The following MKI67 variants were observed in gnomAD, a reference collection of about 807,000 sequenced individuals.
MKI67 encodes the protein marker of proliferation Ki-67.
A neutral mutation model predicts 233.5 loss-of-function variants in MKI67; 152 were observed. The observed-to-expected ratio is 0.65, with a 90% confidence interval of 0.57 to 0.74. The LOEUF is 0.74. MKI67 is among the 30% of genes least tolerant of loss of function. MKI67 has a pLI of 0.00. For missense variants in MKI67, 3,940 were observed against 3,885.2 expected, an observed-to-expected ratio of 1.01 and a Z score of -0.37; for synonymous variants, 1,465 against 1,418.5, an observed-to-expected ratio of 1.03 and a Z score of -0.74.
At chr10:128,121,597 A>G (rs1852949325) in intron 4 of MKI67, among the ~76,000 whole-genome samples, 1 of 47,170 alleles carries the variant, frequency 2.1e-5, no homozygotes, top group Admixed American at 3.0e-4. Context: ...TAAGTGATAT[A>G]TATAATAATT....
Position 128,102,539 on chromosome 10 carries a change from C to T in MKI67, c.9261+40G>A, listed in dbSNP as rs776790624. On this transcript the variant is annotated intron_variant, in intron 13 of 14. Coordinates refer to ENST00000368654, the MANE Select transcript of MKI67 (RefSeq NM_002417.5). ...GTATAACACAGAAATTCACAACTAT[C>T]CAAGACGATATTGAGTGATGCTGTA... The T allele has an allele frequency of 5.7e-6, 9 of 1,591,834 alleles. No homozygotes were observed. In the South Asian group the frequency reaches 1.0e-4, roughly 18 times the overall value.
In MKI67 at chr10:128,119,193, T is replaced by C. The variant is rs1565014581; in HGVS notation, c.354+60A>G. 15 of 1,186,034 alleles carry C rather than the reference T, an allele frequency of 1.3e-5. No homozygotes were observed. The East Asian group carries it at 3.3e-4, about 26-fold the overall frequency. The allele number at this position is 1,186,034 out of a possible 1,614,324, so 73.5% of individuals were successfully genotyped here. On this transcript the variant is annotated intron_variant, in intron 5 of 14. Coordinates refer to ENST00000368654, the MANE Select transcript of MKI67 (RefSeq NM_002417.5). ...TTTCAAGTAAGAAATCATTAAAGCA[T>C]ACATAAATGATTTCATATCATCGAA...
intron 4 of MKI67, 64 bp downstream of exon 4, chr10:128,122,817 T>C: frequency 1.3e-6 from 1 of 768,042 alleles, no homozygotes; most frequent in African/African-American, 1.7e-5. Context: ...CAGTTGACTT[T>C]GACACTAGTT....
rs760411491 is a variant in MKI67, at chr10:128,106,271, T to A, written c.5569A>T (p.Ile1857Leu). ...TCTGATTGCGGAGATTTGCAGAGTA[T>A]TTTTTTGGTAGTTTTCTCATCAGTC... Reference protein sequence around the residue: ...PTTDEKTTKKILCKSPQSDPA... With the variant: ...PTTDEKTTKKLLCKSPQSDPA... The change falls in exon 13 of 15, where the codon ATA (isoleucine) becomes TTA (leucine). Residue 1857 changes from isoleucine to leucine, a missense_variant. Transcript: ENST00000368654. 6.2e-7 allele frequency: 1 copy of A among 1,613,502 alleles called. No individual in the cohort carries two copies. The highest frequency in any genetic ancestry group is 2.2e-5 in the East Asian group (1 of 44,808).
rs199875520 is a variant in MKI67 at position 128,106,087 on chromosome 10, T to C, written c.5753A>G (p.Asn1918Ser). 6.2e-7 allele frequency: 1 copy of C among 1,613,926 alleles called. No homozygotes were observed. The highest frequency in any genetic ancestry group is 1.7e-5 in the Admixed American group (1 of 59,996). Reference sequence around the variant, plus strand: ...CTCCACTGGAGTCCCCACAAATGTGTTGATGTCTTTCTCTTCACCTACTGC... The same window carrying C: ...CTCCACTGGAGTCCCCACAAATGTGCTGATGTCTTTCTCTTCACCTACTGC... ...KAAVGEEKDI[N>S]TFVGTPVEKL... Residue 1918 changes from asparagine to serine, a missense_variant, in exon 13 of 15, where the codon AAC becomes AGC. Coordinates refer to ENST00000368654, the MANE Select transcript of MKI67 (RefSeq NM_002417.5).
chr10:128,111,741 C>T lies in MKI67; in HGVS notation c.2164G>A (p.Ala722Thr), dbSNP rs1176714113. The T allele has an allele frequency of 1.2e-6, 2 of 1,614,042 alleles. No individual in the cohort carries two copies. The highest frequency in any genetic ancestry group is 1.7e-5 in the Admixed American group (1 of 60,010). The change falls in exon 11 of 15, where the codon GCT becomes ACT. Residue 722 changes from alanine to threonine, a missense_variant. By Grantham distance (58) the Ala-to-Thr change is moderately conservative (BLOSUM62 0). Coordinates refer to ENST00000368654, the MANE Select transcript of MKI67 (RefSeq NM_002417.5). ...NSPCTIIIGK[A>T]HTEKVHVPAR... Reference sequence around the variant, plus strand: ...GGCACATGTACTTTTTCAGTATGAGCTTTCCCTATTATTATGGTACAAGGA... The same window carrying T: ...GGCACATGTACTTTTTCAGTATGAGTTTTCCCTATTATTATGGTACAAGGA...
rs779970248 is a variant in MKI67 at position 128,105,381 on chromosome 10, C to A, written c.6459G>T (p.Glu2153Asp). 67 of 1,613,974 alleles carry A rather than the reference C, an allele frequency of 4.2e-5. No homozygotes were observed. Among genetic ancestry groups the A allele is most frequent in the Non-Finnish European group, 5.6e-5 (66 of 1,180,016 alleles). ...CCCTGAACACGTTGATGCCTTTATC[C>A]TCATCTCCTGGTACTTTGTCTGTGT... ...TTHTDKVPGD[E>D]DKGINVFRET... is the part of the protein sequence containing the mutation. The change falls in exon 13 of 15, where the codon GAG becomes GAT. Residue 2153 changes from glutamate to aspartate, a missense_variant. Physicochemically the swap from Glu to Asp is conservative, Grantham distance 45. Coordinates refer to ENST00000368654, the MANE Select transcript of MKI67 (RefSeq NM_002417.5).
At chr10:128,113,688 A>C (rs1159268522) in intron 7 of MKI67, 86 bp from the exon 8 acceptor site, 4 of 1,285,070 alleles carry the variant, frequency 3.1e-6, no homozygotes, top group Non-Finnish European at 4.4e-6. Flanking sequence ...TTAAAGACAA[A>C]CCAAGTGAAA....
Position 128,103,322 on chromosome 10 carries a change from T to C in MKI67, c.8518A>G (p.Arg2840Gly), listed in dbSNP as rs778199347. Reference protein sequence around the residue: ...ELEDTATSSKRRPRTRAQKVE... With the variant: ...ELEDTATSSKGRPRTRAQKVE... Reference sequence around the variant, plus strand: ...TTCTGGGCACGTGTCCTGGGCCGTCTCTTTGAGCTTGTTGCGGTGTCTTCT... The same window carrying C: ...TTCTGGGCACGTGTCCTGGGCCGTCCCTTTGAGCTTGTTGCGGTGTCTTCT... Residue 2840 changes from arginine to glycine, a missense_variant, in exon 13 of 15, where the codon AGA becomes GGA. Arg to Gly is a moderately radical substitution (Grantham distance 125). Coordinates refer to ENST00000368654, the MANE Select transcript of MKI67 (RefSeq NM_002417.5). 6.2e-7 allele frequency: 1 copy of C among 1,614,186 alleles called. No homozygotes were observed.
At chr10:128,119,395 G>T in intron 4 of MKI67, 76 bp from the exon 5 acceptor site, 1 of 978,544 alleles carries the variant, frequency 1.0e-6, no homozygotes, top group Non-Finnish European at 1.6e-6. Context: ...TCCACTTAAT[G>T]TCCAAGGATC....
intron 12 of MKI67, among the ~76,000 whole-genome samples, chr10:128,109,715 T>C (rs1439365789): frequency 1.3e-5 from 2 of 152,236 alleles, no homozygotes; most frequent in African/African-American, 4.8e-5. Flanking sequence ...ATGCCCTGTG[T>C]CATTGACGTA....
chr10:128,111,621 T>C, intron 11 of MKI67, 24 bp downstream of exon 11: 1 of 1,573,512 alleles, frequency 6.4e-7, no homozygotes, highest in Admixed American at 1.9e-5. Context: ...AAAAGATTTA[T>C]AAGATCTAAG....
rs747445584 is a variant in MKI67, at chr10:128,125,047, C to G, written c.92+529G>C. On this transcript the variant is annotated intron_variant, in intron 2 of 14. Coordinates refer to ENST00000368654, the MANE Select transcript of MKI67 (RefSeq NM_002417.5). The surrounding 1 kb of genome is among the most constrained non-coding windows in gnomAD (Gnocchi z 5.3). ...ATGTCAGAGGCTGATGGGGCACTGT[C>G]AGCAACTATACCTGTTATACAGGGA... is the stretch of plus-strand genomic sequence containing the variant. Among the ~76,000 whole-genome samples the G allele has an allele frequency of 6.6e-5, 10 of 152,158 alleles. No individual in the cohort carries two copies. The highest frequency in any genetic ancestry group is 1.2e-4 in the Non-Finnish European group (8 of 68,030).
chr10:128,115,234 G>C lies in MKI67; in HGVS notation c.1174C>G (p.Pro392Ala), dbSNP rs180990353. The change falls in exon 7 of 15, where the codon CCC (proline) becomes GCC (alanine). Residue 392 changes from proline to alanine, a missense_variant. Physicochemically the swap from Pro to Ala is conservative, Grantham distance 27 (BLOSUM62 -1). Coordinates refer to ENST00000368654, the MANE Select transcript of MKI67 (RefSeq NM_002417.5). The stretch of plus-strand genomic sequence containing the variant: ...CGATTTCTAGTTGAAAGCTTCCTGG[G>C]AGTAAGAGTTTTATCACCAGCCTTG... ...GFKAGDKTLT[P>A]RKLSTRNRTP... 7.4e-5 allele frequency: 120 copies of C among 1,614,200 alleles called. No homozygotes were observed. In the East Asian group the frequency reaches 1.8e-3, roughly 25 times the overall value.
rs1590296006 is a variant in MKI67, at chr10:128,103,973, T to C, written c.7867A>G (p.Thr2623Ala). ...TGTGTGCTTTGCCCTGATGTTTGCGTGAGCCTCTCAACTGCTGAGAGCTCC... is the reference window on the plus strand; with the variant it reads ...TGTGTGCTTTGCCCTGATGTTTGCGCGAGCCTCTCAACTGCTGAGAGCTCC... Reference protein sequence around the residue: ...KEELSAVERLTQTSGQSTHTH... With the variant: ...KEELSAVERLAQTSGQSTHTH... The change falls in exon 13 of 15, where the codon ACG becomes GCG. Residue 2623 changes from threonine to alanine, a missense_variant. Coordinates refer to ENST00000368654, the MANE Select transcript of MKI67 (RefSeq NM_002417.5). 1 of 1,614,152 alleles carries C rather than the reference T, an allele frequency of 6.2e-7. No individual in the cohort carries two copies. Among genetic ancestry groups the C allele is most frequent in the Non-Finnish European group, 8.5e-7 (1 of 1,180,026 alleles).
At position 128,105,380 on chromosome 10, in the gene MKI67, C is replaced by T. The variant is rs1450958401; in HGVS notation, c.6460G>A (p.Asp2154Asn). 5 of 1,614,050 alleles carry T rather than the reference C, an allele frequency of 3.1e-6. No homozygotes were observed. The highest frequency in any genetic ancestry group is 3.4e-6 in the Non-Finnish European group (4 of 1,179,922). Residue 2154 changes from aspartate (D) to asparagine (N), a missense_variant, in exon 13 of 15, where the codon GAT (aspartate) becomes AAT (asparagine). By Grantham distance (23) the Asp-to-Asn change is conservative. Transcript: ENST00000368654. ...TCCCTGAACACGTTGATGCCTTTAT[C>T]CTCATCTCCTGGTACTTTGTCTGTG... ...THTDKVPGDE[D>N]KGINVFRETA...
rs1565001299 is a variant in MKI67 at position 128,104,893 on chromosome 10, A to G, written c.6947T>C (p.Leu2316Pro). The G allele has an allele frequency of 6.2e-7, 1 of 1,611,446 alleles. No homozygotes were observed. Among genetic ancestry groups the G allele is most frequent in the South Asian group, 1.1e-5 (1 of 90,966 alleles). Residue 2316 changes from leucine to proline, a missense_variant, in exon 13 of 15, where the codon CTG becomes CCG. Transcript: ENST00000368654. Reference protein sequence around the residue: ...PKEKAQALEDLAGFKELFQTP... With the variant: ...PKEKAQALEDPAGFKELFQTP... ...CTGGAAGAGCTCTTTGAAGCCAGCC[A>G]GGTCTTCTAGAGCCTGGGCCTTTTC...
chr10:128,105,093 C>T lies in MKI67; in HGVS notation c.6747G>A (p.Glu2249=). The stretch of plus-strand genomic sequence containing the variant: ...GTTTCCTGAGTGCTAAGGATTCTTC[C>T]TCTACGTCTGCTTTCCTGAGACTTC... ...SKRSLRKADV[E]EESLALRKRT... is the part of the protein sequence containing the mutation. The change falls in exon 13 of 15, where the codon GAG becomes GAA. Residue 2249 remains glutamate (E), a synonymous_variant. Transcript: ENST00000368654. 1.2e-6 allele frequency: 2 copies of T among 1,613,964 alleles called. No homozygotes were observed. Among genetic ancestry groups the T allele is most frequent in the African/African-American group, 1.3e-5 (1 of 74,914 alleles).
rs1457865965 is a variant in MKI67, at chr10:128,105,665, T to A, written c.6175A>T (p.Met2059Leu). The A allele has an allele frequency of 1.5e-5, 25 of 1,613,730 alleles. No homozygotes were observed. The highest frequency in any genetic ancestry group is 2.0e-5 in the Non-Finnish European group (24 of 1,179,970). The change falls in exon 13 of 15, where the codon ATG (methionine) becomes TTG (leucine). Residue 2059 changes from methionine (M) to leucine (L), a missense_variant. Coordinates refer to ENST00000368654, the MANE Select transcript of MKI67 (RefSeq NM_002417.5). ...MLDPANYGTGMERWPRTPKEE... is the reference protein window; with the variant it reads ...MLDPANYGTGLERWPRTPKEE... Reference sequence around the variant, plus strand: ...TTAGGTGTTCTTGGCCACCTCTCCATCCCAGTTCCATAGTTTGCTGGGTCC... The same window carrying A: ...TTAGGTGTTCTTGGCCACCTCTCCAACCCAGTTCCATAGTTTGCTGGGTCC...
Sources: allele counts gnomAD v4.1 joint callset (sites outside exome capture counted in the v4.1 genomes callset), GRCh38; gene constraint gnomAD v4.1.1; non-coding constraint Gnocchi (gnomAD v3.1); transcripts MANE v1.5; gene names NCBI Gene and HGNC (gene_info 2026-07-23, HGNC 2026-07-21).